Variants in ASTN2 observed in about 807,000 individuals in gnomAD.
ASTN2 encodes astrotactin-2.
Under a neutral mutation model 139.8 loss-of-function variants are expected in ASTN2, and 54 were observed. The ratio of observed to expected loss-of-function variants is 0.39; its 90% CI spans 0.31 to 0.48. The LOEUF is 0.48. Among genes scored for constraint, ASTN2 ranks in the 20% least tolerant of loss-of-function variants. The probability of loss-of-function intolerance (pLI) is 0.95; values close to 1 mark genes in which losing one functional copy is unlikely to be tolerated. For synonymous variants in ASTN2, 756 were observed against 719.5 expected (o/e 1.05, Z -0.81); for missense variants, 1,565 against 1,725.1 (o/e 0.91, Z 1.64).
intron 1 of ASTN2, among the ~76,000 whole-genome samples, chr9:117,386,496 C>G (rs969629381): frequency 6.6e-6 from 1 of 152,160 alleles, no homozygotes; most frequent in African/African-American, 2.4e-5. Context: ...AGCCTTAATA[C>G]ACCTCAGGAG....
At chr9:117,025,002 C>G (rs1311642254) in intron 6 of ASTN2, among the ~76,000 whole-genome samples, 1 of 152,118 alleles carries the variant, frequency 6.6e-6, no homozygotes, top group Non-Finnish European at 1.5e-5. Flanking sequence ...CTCCTCCTTG[C>G]CTTCTGCCAT....
Position 116,917,720 on chromosome 9 carries a change from GTGTTAATTAAT to G in ASTN2, c.1890-53998_1890-53988del, listed in dbSNP as rs573448840. Among the ~76,000 whole-genome samples the G allele has an allele frequency of 2.0e-5, 3 of 152,306 alleles. No individual in the cohort carries two copies. The East Asian group carries it at 5.8e-4, about 29-fold the overall frequency. On this transcript the variant is annotated intron_variant, in intron 10 of 22. Coordinates refer to ENST00000313400, the MANE Select transcript of ASTN2 (RefSeq NM_001365068.1). Reference sequence around the variant, plus strand: ...TTGGAATGGAAAGGTGAAGTAGCCTGTGTTAATTAATTGATCATGTAATTGGTTAATTATAA... The same window carrying G: ...TTGGAATGGAAAGGTGAAGTAGCCTGTGATCATGTAATTGGTTAATTATAA...
At chr9:117,206,452 G>T (rs1831927648) in intron 3 of ASTN2, among the ~76,000 whole-genome samples, 1 of 152,094 alleles carries the variant, frequency 6.6e-6, no homozygotes, top group African/African-American at 2.4e-5. Flanking sequence ...CACTGTCCTG[G>T]ATTAGAAGCA....
chr9:116,813,155 CTA>C (rs1244159931), intron 12 of ASTN2, among the ~76,000 whole-genome samples: 1 of 151,806 alleles, frequency 6.6e-6, no homozygotes, highest in African/African-American at 2.4e-5. Flanking sequence ...ACATGAAACT[CTA>C]TTTATACATG....
chr9:116,815,804 C>CAAAA (rs55954354), intron 12 of ASTN2, among the ~76,000 whole-genome samples: 4 of 24,106 alleles, frequency 1.7e-4, no homozygotes, highest in Non-Finnish European at 2.0e-4. Flanking sequence ...GACTCCGTCT[C>CAAAA]AAAAAAAAAA....
chr9:117,063,488 G>T (rs554766283), intron 5 of ASTN2, among the ~76,000 whole-genome samples: 1 of 152,168 alleles, frequency 6.6e-6, no homozygotes, highest in Non-Finnish European at 1.5e-5. Context: ...TCTCTTGCCT[G>T]CTGCAATATA....
intron 2 of ASTN2, among the ~76,000 whole-genome samples, chr9:117,217,999 A>T (rs2133030777): frequency 6.6e-6 from 1 of 152,336 alleles, no homozygotes; most frequent in African/African-American, 2.4e-5. Context: ...CATTTACTCA[A>T]GATAGAGCAG....
intron 13 of ASTN2, among the ~76,000 whole-genome samples, chr9:116,746,024 T>C (rs1247640979): frequency 6.6e-6 from 1 of 151,788 alleles, no homozygotes; most frequent in Non-Finnish European, 1.5e-5. Flanking sequence ...CTTAAGGCTG[T>C]CCATATGGCT....
chr9:116,590,943 A>T (rs1854353727), intron 19 of ASTN2, among the ~76,000 whole-genome samples: 1 of 152,118 alleles, frequency 6.6e-6, no homozygotes, highest in East Asian at 1.9e-4. Context: ...ACCCACTTCA[A>T]GTCTCCTGAG....
intron 1 of ASTN2, among the ~76,000 whole-genome samples, chr9:117,372,692 T>C (rs1358495391): frequency 6.6e-6 from 1 of 152,178 alleles, no homozygotes; most frequent in Non-Finnish European, 1.5e-5. Context: ...TTGAATTAAT[T>C]TTATCTATTA....
chr9:117,304,294 TG>T (rs1834946145), intron 1 of ASTN2, among the ~76,000 whole-genome samples: 1 of 152,144 alleles, frequency 6.6e-6, no homozygotes, highest in African/African-American at 2.4e-5. Context: ...CACCACAAGA[TG>T]GGGTTGGGCT....
intron 17 of ASTN2, among the ~76,000 whole-genome samples, chr9:116,643,096 GCATAATAGTGAATACTT>G (rs1857417475): frequency 6.6e-6 from 1 of 152,176 alleles, no homozygotes; most frequent in Non-Finnish European, 1.5e-5. Context: ...TGTAAAGTAA[GCATAATAGTGAATACTT>G]CAAATGTGTT....
rs541500163 is a variant in ASTN2, at chr9:117,170,937, G to A, written c.1016-29459C>T. On this transcript the variant is annotated intron_variant, in intron 3 of 22. Transcript: ENST00000313400. ...ACATGTACCAAGAGACAGATGCCTA[G>A]ATGTGTTCTGCCCCTTCTTTATGTG... Among the ~76,000 whole-genome samples the A allele has an allele frequency of 1.2e-4, 19 of 152,236 alleles. 1 individual carries two copies. The highest frequency in any genetic ancestry group is 1.1e-3 in the Admixed American group (17 of 15,286).
At chr9:116,473,754 T>C (rs916411839) in intron 20 of ASTN2, among the ~76,000 whole-genome samples, 1 of 151,982 alleles carries the variant, frequency 6.6e-6, no homozygotes, top group African/African-American at 2.4e-5. Context: ...AATACAAAAA[T>C]TAGCTGGGCG....
intron 3 of ASTN2, among the ~76,000 whole-genome samples, chr9:117,173,678 A>G (rs2132930890): frequency 6.6e-6 from 1 of 152,226 alleles, no homozygotes; most frequent in East Asian, 1.9e-4. Flanking sequence ...CATGCACGCT[A>G]CATAGCAAAA....
At chr9:117,244,336 T>C (rs1048326642) in intron 2 of ASTN2, among the ~76,000 whole-genome samples, 1 of 152,174 alleles carries the variant, frequency 6.6e-6, no homozygotes, top group Non-Finnish European at 1.5e-5. Context: ...GCCACTGAGA[T>C]GTACATATAC....
intron 19 of ASTN2, among the ~76,000 whole-genome samples, chr9:116,550,835 T>C (rs890062594): frequency 6.6e-6 from 1 of 152,214 alleles, no homozygotes; most frequent in Non-Finnish European, 1.5e-5. Flanking sequence ...TTTAGAGGCC[T>C]TGCTGTAAGA....
At chr9:116,919,584 C>G (rs1365919700) in intron 10 of ASTN2, among the ~76,000 whole-genome samples, 1 of 151,898 alleles carries the variant, frequency 6.6e-6, no homozygotes, top group Non-Finnish European at 1.5e-5. Context: ...AAGGTCCCTC[C>G]TCCTCTGATG....
At chr9:116,845,980 T>C (rs1004358313) in intron 11 of ASTN2, among the ~76,000 whole-genome samples, 1 of 152,224 alleles carries the variant, frequency 6.6e-6, no homozygotes, top group Admixed American at 6.5e-5. Flanking sequence ...CCAATGTTCA[T>C]TGACAGATAC....
Sources: allele counts gnomAD v4.1 joint callset (sites outside exome capture counted in the v4.1 genomes callset), GRCh38; gene constraint gnomAD v4.1.1; transcripts MANE v1.5; gene names NCBI Gene and HGNC (gene_info 2026-07-23, HGNC 2026-07-21).